SNAP91: variants seen among roughly 807,000 people sequenced by gnomAD.
SNAP91 encodes clathrin coat assembly protein AP180.
A neutral mutation model predicts 100.3 loss-of-function variants in SNAP91; 27 were observed. That is an observed-to-expected ratio of 0.27 (90% CI 0.20 to 0.37). The LOEUF is 0.37. Among genes scored for constraint, SNAP91 ranks in the 10% least tolerant of loss-of-function variants. The probability of loss-of-function intolerance (pLI) is 1.00; values close to 1 mark genes in which losing one functional copy is unlikely to be tolerated. For missense variants in SNAP91, 986 were observed against 1,123.7 expected (o/e 0.88, Z 1.75); for synonymous variants, 404 against 398.6 (o/e 1.01, Z -0.16).
At chr6:83,672,021 C>CA (rs1232211219) in intron 2 of SNAP91, among the ~76,000 whole-genome samples, 1 of 152,086 alleles carries the variant, frequency 6.6e-6, no homozygotes, top group Non-Finnish European at 1.5e-5. Context: ...TACTGCTGTC[C>CA]ATTTAATAAA....
intron 27 of SNAP91, 89 bp from the exon 28 acceptor site, chr6:83,560,297 A>G: frequency 1.1e-6 from 1 of 893,124 alleles, no homozygotes; most frequent in Non-Finnish European, 1.8e-6. Flanking sequence ...TGTACTTCTG[A>G]CAATATTTGA....
intron 2 of SNAP91, among the ~76,000 whole-genome samples, chr6:83,702,920 T>C (rs551275813): frequency 6.6e-6 from 1 of 152,294 alleles, no homozygotes; most frequent in Non-Finnish European, 1.5e-5. Context: ...CTTCCCCTGC[T>C]CCTGCCAACC....
intron 26 of SNAP91, among the ~76,000 whole-genome samples, chr6:83,564,347 A>T (rs9444089): frequency 0.76 from 110,634 of 146,306 alleles, 41,559 homozygotes; most frequent in East Asian, 0.87. Flanking sequence ...TTTTTTTTTT[A>T]TATATATATA....
At chr6:83,695,335 A>G (rs1007393741) in intron 2 of SNAP91, among the ~76,000 whole-genome samples, 2 of 151,716 alleles carry the variant, frequency 1.3e-5, no homozygotes, top group South Asian at 2.1e-4. Flanking sequence ...GAAAAGAAAG[A>G]AAACTGTGAT....
intron 8 of SNAP91, among the ~76,000 whole-genome samples, chr6:83,632,242 T>C (rs1329975983): frequency 6.6e-6 from 1 of 152,122 alleles, no homozygotes; most frequent in Non-Finnish European, 1.5e-5. Context: ...TTTAAAGGTA[T>C]AGTTATACCT....
At chr6:83,604,197 T>C (rs932137830) in intron 14 of SNAP91, among the ~76,000 whole-genome samples, 1 of 151,968 alleles carries the variant, frequency 6.6e-6, no homozygotes, top group African/African-American at 2.4e-5. Context: ...GTAATGAAAA[T>C]AAATTATTAG....
At chr6:83,682,956 C>A (rs56285953) in intron 2 of SNAP91, among the ~76,000 whole-genome samples, 4,261 of 152,074 alleles carry the variant, frequency 0.028, 178 homozygotes, top group African/African-American at 0.096. Flanking sequence ...ACCAGCTAGC[C>A]TCTGGAAGCC....
intron 2 of SNAP91, among the ~76,000 whole-genome samples, chr6:83,689,916 T>A (rs13215382): frequency 2.0e-5 from 3 of 151,930 alleles, no homozygotes; most frequent in South Asian, 2.1e-4. Context: ...AAATTTCATC[T>A]TAAGTATATT....
intron 2 of SNAP91, among the ~76,000 whole-genome samples, chr6:83,707,158 C>G (rs919295212): frequency 6.6e-6 from 1 of 152,104 alleles, no homozygotes; most frequent in Non-Finnish European, 1.5e-5. Context: ...GAGAATGGGA[C>G]AAAGTGTGCC....
intron 26 of SNAP91, among the ~76,000 whole-genome samples, chr6:83,574,643 C>A (rs1815005000): frequency 6.6e-6 from 1 of 151,944 alleles, no homozygotes; most frequent in Non-Finnish European, 1.5e-5. Flanking sequence ...AAATCATTTT[C>A]ATAATTTTAC....
At chr6:83,672,282 A>G (rs1394591501) in intron 2 of SNAP91, among the ~76,000 whole-genome samples, 2 of 152,148 alleles carry the variant, frequency 1.3e-5, no homozygotes, top group Non-Finnish European at 2.9e-5. Flanking sequence ...CAAATAGAAG[A>G]GAGGCTTTGA....
intron 8 of SNAP91, among the ~76,000 whole-genome samples, chr6:83,629,591 C>G (rs1344963604): frequency 6.6e-6 from 1 of 151,878 alleles, no homozygotes; most frequent in Non-Finnish European, 1.5e-5. Context: ...CGGTATATTC[C>G]TAAGTATTTT....
intron 2 of SNAP91, among the ~76,000 whole-genome samples, chr6:83,706,869 G>A (rs1013543919): frequency 3.1e-4 from 47 of 152,194 alleles, no homozygotes; most frequent in African/African-American, 1.1e-3. Flanking sequence ...CACTCATATA[G>A]CCTGACTTAT....
intron 2 of SNAP91, 86 bp from the exon 3 acceptor site, chr6:83,665,667 C>CTAA: frequency 8.5e-7 from 1 of 1,179,638 alleles, no homozygotes; most frequent in Non-Finnish European, 1.2e-6. Context: ...AGCCTGTTTA[C>CTAA]TAATATATGA....
rs2099417945 is a variant in SNAP91 at position 83,709,004 on chromosome 6, G to T, written c.-190C>A. 6.6e-6 allele frequency: 1 copy of T among 151,974 alleles called. No individual in the cohort carries two copies. Among genetic ancestry groups the T allele is most frequent in the South Asian group, 2.1e-4 (1 of 4,848 alleles). 9.4% of individuals were successfully genotyped at this position (151,974 alleles called of 1,614,324 possible). ...CCCGCTCCTCAGCTCCGCGGTCCCGGCGCCCACCGCCCCTGGCCCCTGGCC... is the reference window on the plus strand; with the variant it reads ...CCCGCTCCTCAGCTCCGCGGTCCCGTCGCCCACCGCCCCTGGCCCCTGGCC... On this transcript the variant is annotated 5_prime_UTR_variant, in exon 1 of 30. Coordinates refer to ENST00000369694, the MANE Select transcript of SNAP91 (RefSeq NM_001242792.2).
In SNAP91 at chr6:83,593,061, T is replaced by G. The variant is rs781090309; in HGVS notation, c.1775-44A>C. 1.0e-5 allele frequency: 16 copies of G among 1,544,280 alleles called. No individual in the cohort carries two copies. In the East Asian group the frequency reaches 3.9e-4, roughly 37 times the overall value. On this transcript the variant is annotated intron_variant, in intron 19 of 29. Coordinates refer to ENST00000369694, the MANE Select transcript of SNAP91 (RefSeq NM_001242792.2). ...ACCAAAACCAAGCAGAGGTAAGTAGTAGAAAGCTGAAATCAAAGTCAAAAA... is the reference window on the plus strand; with the variant it reads ...ACCAAAACCAAGCAGAGGTAAGTAGGAGAAAGCTGAAATCAAAGTCAAAAA...
At position 83,652,763 on chromosome 6, in the gene SNAP91, G is replaced by A. The variant is rs577794862; in HGVS notation, c.658+3991C>T. On this transcript the variant is annotated intron_variant, in intron 7 of 29. Coordinates refer to ENST00000369694, the MANE Select transcript of SNAP91 (RefSeq NM_001242792.2). ...CCTTCTCCCTACAAAACTTCTTTTAGCATTTTTCGCAAATGCAGATCTACT... is the reference window on the plus strand; with the variant it reads ...CCTTCTCCCTACAAAACTTCTTTTAACATTTTTCGCAAATGCAGATCTACT... 4.3e-4 allele frequency among the ~76,000 whole-genome samples: 65 copies of A among 152,106 alleles called. No homozygotes were observed. The South Asian group carries it at 0.013, about 31-fold the overall frequency.
intron 26 of SNAP91, among the ~76,000 whole-genome samples, chr6:83,573,889 T>A (rs1181080905): frequency 6.6e-6 from 1 of 152,324 alleles, no homozygotes; most frequent in South Asian, 2.1e-4. Context: ...GACATAGGCA[T>A]GGGCAAGGAC....
At chr6:83,691,764 G>A (rs149422482) in intron 2 of SNAP91, among the ~76,000 whole-genome samples, 15 of 152,112 alleles carry the variant, frequency 9.9e-5, no homozygotes, top group African/African-American at 3.6e-4. Flanking sequence ...TCTTAAAGAA[G>A]CAATAATCTT....
Sources: gnomAD v4.1 joint callset for allele counts (sites outside exome capture counted in the v4.1 genomes callset) on GRCh38, gnomAD v4.1.1 for gene constraint, MANE v1.5 for transcripts, NCBI Gene and HGNC (gene_info 2026-07-23, HGNC 2026-07-21) for gene names.